NRG1: variants seen among roughly 807,000 people sequenced by gnomAD.
The protein encoded by NRG1 is pro-neuregulin-1, membrane-bound isoform.
Under a neutral mutation model 63.8 loss-of-function variants are expected in NRG1, and 18 were observed. The ratio of observed to expected loss-of-function variants is 0.28; its 90% CI spans 0.19 to 0.42. NRG1 has a LOEUF of 0.42. Among genes scored for constraint, NRG1 ranks in the 10% least tolerant of loss-of-function variants. NRG1 has a pLI of 1.00. For synonymous variants in NRG1, 302 were observed against 301.3 expected, an observed-to-expected ratio of 1.00 and a Z score of -0.02; for missense variants, 762 against 814.7, an observed-to-expected ratio of 0.94 and a Z score of 0.79.
At chr8:32,772,035 AAATATGTATATATATATATATATATATAT>A (rs1341543216), downstream of NRG1, among the ~76,000 whole-genome samples, 7 of 10,892 alleles carry the variant, frequency 6.4e-4, no homozygotes, top group Admixed American at 2.4e-3. Context: ...AAAAAAAAAA[AAATATGTATATATATATATATATATATAT>A]ATATATATAT....
At chr8:32,500,394 G>A (rs1296687433) in intron 1 of NRG1, among the ~76,000 whole-genome samples, 1 of 152,142 alleles carries the variant, frequency 6.6e-6, no homozygotes, top group African/African-American at 2.4e-5. Context: ...TTACCCACCT[G>A]TAAGGCTAGG....
intron 1 of NRG1, among the ~76,000 whole-genome samples, chr8:32,577,590 G>C (rs992003045): frequency 6.6e-6 from 1 of 152,090 alleles, no homozygotes; most frequent in Non-Finnish European, 1.5e-5. Flanking sequence ...ACTATAAACT[G>C]AACACCAACA....
chr8:32,169,200 C>A (rs746960963), intron 1 of NRG1, among the ~76,000 whole-genome samples: 27 of 152,150 alleles, frequency 1.8e-4, no homozygotes, highest in Non-Finnish European at 3.7e-4. Context: ...AGACTCCACC[C>A]CAAGTCACAT....
At chr8:32,103,763 G>A (rs779094894) in intron 1 of NRG1, among the ~76,000 whole-genome samples, 8 of 152,024 alleles carry the variant, frequency 5.3e-5, no homozygotes, top group Non-Finnish European at 7.4e-5. Flanking sequence ...TTGTTGTTTT[G>A]AGACCTAAGT....
chr8:32,312,334 T>A (rs1856916979), intron 1 of NRG1, among the ~76,000 whole-genome samples: 1 of 78,734 alleles, frequency 1.3e-5, no homozygotes, highest in Non-Finnish European at 3.4e-5. Context: ...CAGCTAATTT[T>A]TTTTTTTTTT....
At chr8:32,348,369 T>A (rs115556039) in intron 1 of NRG1, among the ~76,000 whole-genome samples, 1 of 152,186 alleles carries the variant, frequency 6.6e-6, no homozygotes, top group Non-Finnish European at 1.5e-5. Flanking sequence ...CTTGTGACCA[T>A]AAAATAAAAT....
intron 1 of NRG1, among the ~76,000 whole-genome samples, chr8:31,684,179 G>A (rs1355251004): frequency 6.6e-6 from 1 of 152,184 alleles, no homozygotes; most frequent in Non-Finnish European, 1.5e-5. Context: ...AACTCTGGGA[G>A]AGGGACTGCT....
At chr8:31,803,830 C>T (rs1270781965) in intron 1 of NRG1, among the ~76,000 whole-genome samples, 1 of 152,156 alleles carries the variant, frequency 6.6e-6, no homozygotes, top group Non-Finnish European at 1.5e-5. Flanking sequence ...CCCTTGTGTG[C>T]TATGCTGCAG....
intron 1 of NRG1, among the ~76,000 whole-genome samples, chr8:32,375,502 T>G (rs1361767456): frequency 1.3e-5 from 2 of 152,202 alleles, no homozygotes; most frequent in Non-Finnish European, 2.9e-5. Context: ...TGTTTCATCT[T>G]TGATCAGGAG....
At chr8:32,554,273 A>G (rs1344694442) in intron 1 of NRG1, among the ~76,000 whole-genome samples, 1 of 152,134 alleles carries the variant, frequency 6.6e-6, no homozygotes, top group Non-Finnish European at 1.5e-5. Flanking sequence ...ATTTCTCCTA[A>G]TTTTGTGCAT....
At chr8:32,760,960 G>A (rs1830585532) in intron 11 of NRG1, 2 of 986,330 alleles carry the variant, frequency 2.0e-6, no homozygotes, top group Non-Finnish European at 1.2e-6. Context: ...ATTCCAAGAA[G>A]GGATGAATAA....
chr8:32,689,715 A>G (rs938254940), intron 5 of NRG1, among the ~76,000 whole-genome samples: 1 of 152,158 alleles, frequency 6.6e-6, no homozygotes, highest in Non-Finnish European at 1.5e-5. Context: ...ATACATATTT[A>G]TACATATGAA....
At chr8:31,677,677 C>T (rs1335986680) in intron 1 of NRG1, among the ~76,000 whole-genome samples, 1 of 152,186 alleles carries the variant, frequency 6.6e-6, no homozygotes, top group African/African-American at 2.4e-5. Context: ...CATTTTCAGA[C>T]TCGCGGCAGC....
chr8:32,147,920 T>A (rs568224445), intron 1 of NRG1, among the ~76,000 whole-genome samples: 30 of 152,174 alleles, frequency 2.0e-4, no homozygotes, highest in Non-Finnish European at 4.3e-4. Context: ...TAATGTGTAA[T>A]TTACCCCTCT....
At chr8:31,732,300 A>C (rs1189334581) in intron 1 of NRG1, among the ~76,000 whole-genome samples, 1 of 152,078 alleles carries the variant, frequency 6.6e-6, no homozygotes, top group African/African-American at 2.4e-5. Context: ...TCTGGTTTGG[A>C]TACTTCACTC....
At chr8:32,490,816 A>C (rs926579509) in intron 1 of NRG1, among the ~76,000 whole-genome samples, 11 of 152,168 alleles carry the variant, frequency 7.2e-5, no homozygotes, top group Admixed American at 6.5e-4. Context: ...AAAAAGAAAG[A>C]GTGCTTGCCA....
intron 5 of NRG1, among the ~76,000 whole-genome samples, chr8:32,649,075 A>G (rs966088824): frequency 2.6e-5 from 4 of 152,006 alleles, no homozygotes; most frequent in African/African-American, 9.7e-5. Context: ...ATTTTCCCAA[A>G]TTAGTTTTGT....
At chr8:31,807,446 G>C (rs1346073219) in intron 1 of NRG1, among the ~76,000 whole-genome samples, 4 of 151,968 alleles carry the variant, frequency 2.6e-5, no homozygotes, top group Non-Finnish European at 5.9e-5. Flanking sequence ...ATATCCTGGG[G>C]GTATCACAGT....
At chr8:31,962,790 A>C (rs1805678762) in intron 1 of NRG1, among the ~76,000 whole-genome samples, 1 of 152,090 alleles carries the variant, frequency 6.6e-6, no homozygotes, top group Non-Finnish European at 1.5e-5. Context: ...ACACTTTGGG[A>C]AAGGAGCCAT....
Sources: gnomAD v4.1 joint callset for allele counts (sites outside exome capture counted in the v4.1 genomes callset) on GRCh38, gnomAD v4.1.1 for gene constraint, MANE v1.5 for transcripts, NCBI Gene and HGNC (gene_info 2026-07-23, HGNC 2026-07-21) for gene names.